BAIAP2L1: variants seen among roughly 807,000 people sequenced by gnomAD.
The protein encoded by BAIAP2L1 is BAR/IMD domain containing adaptor protein 2 like 1, also known as BAR/IMD domain-containing adapter protein 2-like 1.
A neutral mutation model predicts 66.3 loss-of-function variants in BAIAP2L1; 35 were observed. The ratio of observed to expected loss-of-function variants is 0.53; its 90% confidence interval spans 0.40 to 0.70. The LOEUF (loss-of-function observed/expected upper bound fraction) is 0.70. BAIAP2L1 is among the 30% of genes least tolerant of loss of function. The pLI is 0.00. For synonymous variants in BAIAP2L1, 269 were observed against 248.7 expected (o/e 1.08, Z -0.77); for missense variants, 622 against 656.9 (o/e 0.95, Z 0.58).
intron 3 of BAIAP2L1, among the ~76,000 whole-genome samples, chr7:98,341,369 C>G (rs1433852675): frequency 7.5e-6 from 1 of 132,808 alleles, no homozygotes; most frequent in African/African-American, 2.6e-5. Flanking sequence ...GAAAATCTGA[C>G]AGCCATAAAG....
At chr7:98,358,864 C>G (rs1294960950) in intron 2 of BAIAP2L1, among the ~76,000 whole-genome samples, 1 of 152,182 alleles carries the variant, frequency 6.6e-6, no homozygotes, top group Non-Finnish European at 1.5e-5. Context: ...GGAATCACAC[C>G]TCCCGGAATT....
chr7:98,291,694 A>C lies in BAIAP2L1; in HGVS notation c.*1827T>G. ...ATTATTAAAGTTGTAATCCCTTGAT[A>C]TTTACAGAGCAGGCACCTCGGTGCC... On this transcript the variant is annotated 3_prime_UTR_variant, in exon 14 of 14. Coordinates refer to ENST00000005260, the MANE Select transcript of BAIAP2L1 (RefSeq NM_018842.5). 3.9e-6 allele frequency: 1 copy of C among 256,092 alleles called. No individual in the cohort carries two copies. Among genetic ancestry groups the C allele is most frequent in the Non-Finnish European group, 6.3e-6 (1 of 159,450 alleles). 15.9% of individuals were successfully genotyped at this position (256,092 alleles called of 1,614,324 possible). A position where few individuals can be genotyped will look rare whatever the true frequency, so the allele number is the denominator to read the frequency against.
chr7:98,328,375 G>A (rs902361056), intron 3 of BAIAP2L1, among the ~76,000 whole-genome samples: 7 of 152,170 alleles, frequency 4.6e-5, no homozygotes, highest in Non-Finnish European at 1.0e-4. Context: ...CATCAGACAG[G>A]CCTCTTAGTA....
chr7:98,320,827 ACT>A (rs1473793730), intron 3 of BAIAP2L1, among the ~76,000 whole-genome samples: 1 of 151,396 alleles, frequency 6.6e-6, no homozygotes, highest in Non-Finnish European at 1.5e-5. Flanking sequence ...ACAAATGCAA[ACT>A]CTGTTCAAAT....
rs565132837 is a variant in BAIAP2L1, at chr7:98,390,076, C to T, written c.51+10726G>A. On this transcript the variant is annotated intron_variant, in intron 1 of 13. Transcript: ENST00000005260. ...GACTACAGGCACCCGCCACCGCACC[C>T]GGCTAATTTTGTGTATTTTTAGTAG... Among the ~76,000 whole-genome samples the T allele has an allele frequency of 9.0e-4, 136 of 151,936 alleles. 1 individual carries two copies. Among genetic ancestry groups the T allele is most frequent in the Middle Eastern group, 3.4e-3 (1 of 294 alleles).
intron 1 of BAIAP2L1, among the ~76,000 whole-genome samples, chr7:98,384,533 T>C (rs1802837988): frequency 6.6e-6 from 1 of 152,162 alleles, no homozygotes; most frequent in Non-Finnish European, 1.5e-5. Flanking sequence ...TTACGTTGTT[T>C]AGAAAGCCCC....
chr7:98,311,594 A>T (rs1309461163), intron 8 of BAIAP2L1, among the ~76,000 whole-genome samples: 33 of 151,014 alleles, frequency 2.2e-4, no homozygotes. Flanking sequence ...CAAAACAAAG[A>T]TAATAGCGCC....
At chr7:98,399,989 C>G (rs200340485) in intron 1 of BAIAP2L1, 1 of 151,972 alleles carries the variant, frequency 6.6e-6, no homozygotes, top group Admixed American at 6.6e-5. Context: ...ACCTGGCGAT[C>G]CTAATTACAG....
At chr7:98,306,594 G>T (rs1202157144) in intron 10 of BAIAP2L1, 78 bp from the exon 11 acceptor site, 2 of 1,605,048 alleles carry the variant, frequency 1.2e-6, no homozygotes, top group Non-Finnish European at 8.5e-7. Flanking sequence ...CCTGGTGAGA[G>T]CTCAGGGCAG....
intron 9 of BAIAP2L1, chr7:98,309,233 C>T (rs1346213327): frequency 2.6e-5 from 4 of 151,218 alleles, no homozygotes; most frequent in African/African-American, 9.8e-5. Flanking sequence ...TCACTGCAAC[C>T]TCTACCTCCT....
chr7:98,354,879 C>T (rs1308015407), intron 3 of BAIAP2L1, among the ~76,000 whole-genome samples, 163 bp downstream of exon 3: 1 of 152,154 alleles, frequency 6.6e-6, no homozygotes, highest in African/African-American at 2.4e-5. Context: ...AGTCCCAGCC[C>T]ACCCTACGAC....
At chr7:98,345,323 G>T (rs746415475) in intron 3 of BAIAP2L1, among the ~76,000 whole-genome samples, 48 of 152,140 alleles carry the variant, frequency 3.2e-4, no homozygotes, top group Non-Finnish European at 7.3e-5. Context: ...CTTTATAAAT[G>T]ACAAAAGTCA....
chr7:98,324,858 T>C (rs1801339616), intron 3 of BAIAP2L1, among the ~76,000 whole-genome samples: 1 of 152,222 alleles, frequency 6.6e-6, no homozygotes, highest in Non-Finnish European at 1.5e-5. Flanking sequence ...CAGATGGAGA[T>C]TACTAATGCA....
At chr7:98,314,025 G>C (rs1800983929) in intron 7 of BAIAP2L1, among the ~76,000 whole-genome samples, 1 of 110,218 alleles carries the variant, frequency 9.1e-6, no homozygotes, top group African/African-American at 3.5e-5. Context: ...TTGCTCTGTT[G>C]CCCAGGCTGA....
At chr7:98,343,049 T>A (rs1025363693) in intron 3 of BAIAP2L1, among the ~76,000 whole-genome samples, 3 of 151,778 alleles carry the variant, frequency 2.0e-5, no homozygotes, top group African/African-American at 4.8e-5. Flanking sequence ...GTACACCCAC[T>A]GACAATCTGT....
At chr7:98,297,058 CCAA>C (rs947546685) in intron 12 of BAIAP2L1, among the ~76,000 whole-genome samples, 9 of 152,228 alleles carry the variant, frequency 5.9e-5, no homozygotes, top group Non-Finnish European at 1.0e-4. Context: ...TCCTGTGTCC[CCAA>C]CAAGACAGGA....
chr7:98,348,951 G>T (rs1801937406), intron 3 of BAIAP2L1, among the ~76,000 whole-genome samples: 1 of 152,262 alleles, frequency 6.6e-6, no homozygotes, highest in Non-Finnish European at 1.5e-5. Flanking sequence ...GTGAGATGTG[G>T]CCTGGCCTTA....
chr7:98,353,635 A>G (rs902251429), intron 3 of BAIAP2L1, among the ~76,000 whole-genome samples: 2 of 139,210 alleles, frequency 1.4e-5, no homozygotes, highest in African/African-American at 5.3e-5. Flanking sequence ...ATATATTTAT[A>G]TATGTATATT....
At chr7:98,293,868 G>A (rs186545900) in intron 13 of BAIAP2L1, among the ~76,000 whole-genome samples, 2 of 152,348 alleles carry the variant, frequency 1.3e-5, no homozygotes. Context: ...TGACATGGGG[G>A]TCACTCTGGG....
Sources: allele counts gnomAD v4.1 joint callset (sites outside exome capture counted in the v4.1 genomes callset), GRCh38; gene constraint gnomAD v4.1.1; transcripts MANE v1.5; gene names NCBI Gene and HGNC (gene_info 2026-07-23, HGNC 2026-07-21).